RABGEF1: variants seen among roughly 807,000 people sequenced by gnomAD.
RABGEF1 encodes RAB guanine nucleotide exchange factor 1.
In RABGEF1, 26 loss-of-function variants were observed where a neutral mutation model predicts 57.3. That is an observed-to-expected ratio of 0.45 (90% CI 0.33 to 0.63). The LOEUF is 0.63. Among genes scored for constraint, RABGEF1 ranks in the 20% least tolerant of loss-of-function variants. RABGEF1 has a pLI of 0.02. For synonymous variants in RABGEF1, 185 were observed against 210.7 expected, an observed-to-expected ratio of 0.88 and a Z score of 1.06; for missense variants, 464 against 607.6, an observed-to-expected ratio of 0.76 and a Z score of 2.48.
In RABGEF1 at chr7:66,799,359, C is replaced by G; in HGVS notation, c.765C>G (p.Val255=). 1 of 1,612,520 alleles carries G rather than the reference C, an allele frequency of 6.2e-7. No individual in the cohort carries two copies. Among genetic ancestry groups the G allele is most frequent in the Non-Finnish European group, 8.5e-7 (1 of 1,178,564 alleles). ...LRWVTPQMLC[V]PVNEDIPEVS... ...GGGTTACGCCTCAGATGCTGTGTGT[C>G]CCTGTTAATGAAGACATCCCAGAAG... The change falls in exon 7 of 9, where the codon GTC becomes GTG. Residue 255 remains valine (V), a synonymous_variant. Coordinates refer to ENST00000284957, the MANE Select transcript of RABGEF1 (RefSeq NM_014504.3).
At chr7:66,696,943 TGG>T (rs1223759645) in intron 1 of RABGEF1, among the ~76,000 whole-genome samples, 13 of 152,086 alleles carry the variant, frequency 8.5e-5, no homozygotes, top group Admixed American at 7.9e-4. Flanking sequence ...CAGCTGGCCA[TGG>T]GGGATGGGGA....
At chr7:66,769,438 G>C (rs1248318347) in intron 1 of RABGEF1, among the ~76,000 whole-genome samples, 3 of 152,212 alleles carry the variant, frequency 2.0e-5, no homozygotes, top group African/African-American at 2.4e-5. Context: ...CAAAGATTGA[G>C]ATTGCGCTCA....
At chr7:66,710,956 A>C (rs1332119003) in intron 1 of RABGEF1, among the ~76,000 whole-genome samples, 1 of 151,922 alleles carries the variant, frequency 6.6e-6, no homozygotes, top group Non-Finnish European at 1.5e-5. Flanking sequence ...CAGCCTGGGC[A>C]ACATAGCGAG....
chr7:66,773,140 T>C (rs1807623053), intron 2 of RABGEF1, among the ~76,000 whole-genome samples: 1 of 151,880 alleles, frequency 6.6e-6, no homozygotes, highest in South Asian at 2.1e-4. Flanking sequence ...TTGCTGTCAT[T>C]TGTAGTGAAC....
chr7:66,657,400 A>C, the RABGEF1 span, among the ~76,000 whole-genome samples: 1 of 152,264 alleles, frequency 6.6e-6, no homozygotes, highest in Non-Finnish European at 1.5e-5. Flanking sequence ...CTGGTTGGAG[A>C]TGAAATCATA....
intron 1 of RABGEF1, among the ~76,000 whole-genome samples, chr7:66,691,077 C>T (rs1303894120): frequency 1.3e-5 from 2 of 152,002 alleles, no homozygotes; most frequent in Admixed American, 6.6e-5. Flanking sequence ...GACGACAAAG[C>T]GAGCCTCCAT....
intron 1 of RABGEF1, among the ~76,000 whole-genome samples, chr7:66,686,275 T>G (rs1473714750): frequency 1.4e-5 from 2 of 147,784 alleles, no homozygotes; most frequent in African/African-American, 5.0e-5. Flanking sequence ...AGTGAGACTC[T>G]GTCTCAAAAA....
chr7:66,720,191 A>ATTTTTTTTTTTTTTTTTTT (rs1491058503), intron 2 of RABGEF1, among the ~76,000 whole-genome samples: 1 of 79,840 alleles, frequency 1.3e-5, no homozygotes, highest in African/African-American at 4.2e-5. Flanking sequence ...TATTATTATT[A>ATTTTTTTTTTTTTTTTTTT]TTATTTTTTT....
chr7:66,703,206 C>G (rs983826795), intron 1 of RABGEF1, among the ~76,000 whole-genome samples: 1 of 152,146 alleles, frequency 6.6e-6, no homozygotes, highest in African/African-American at 2.4e-5. Context: ...ATCTCCTGAC[C>G]TCGTGCCCGC....
Position 66,691,009 on chromosome 7 carries a change from G to A in RABGEF1, c.-873+8751G>A, listed in dbSNP as rs373916017. On this transcript the variant is annotated intron_variant and NMD_transcript_variant, in intron 1 of 9. Coordinates refer to the RABGEF1 transcript ENST00000607882. ...CGGAGGCTGGGGCATGAGAATCGCC[G>A]GAACCGGGGAGGCAGGGGTTGCAGT... Among the ~76,000 whole-genome samples the A allele has an allele frequency of 1.4e-4, 21 of 152,120 alleles. No homozygotes were observed. The East Asian group carries it at 1.7e-3, about 13-fold the overall frequency.
At chr7:66,703,010 G>A (rs891134400) in intron 1 of RABGEF1, among the ~76,000 whole-genome samples, 2 of 152,100 alleles carry the variant, frequency 1.3e-5, no homozygotes, top group Admixed American at 6.6e-5. Context: ...TCGCTCTGTC[G>A]CCGCCCAGGC....
At chr7:66,712,567 C>CAG (rs1336102511) in intron 2 of RABGEF1, among the ~76,000 whole-genome samples, 1 of 150,066 alleles carries the variant, frequency 6.7e-6, no homozygotes, top group Non-Finnish European at 1.5e-5. Context: ...ACCTCCCGGG[C>CAG]TGAAGGGATC....
At chr7:66,698,300 G>GAGCTCT (rs1206801693) in intron 1 of RABGEF1, among the ~76,000 whole-genome samples, 1 of 152,208 alleles carries the variant, frequency 6.6e-6, no homozygotes, top group East Asian at 1.9e-4. Context: ...TTCCCAGCCA[G>GAGCTCT]AGCTCTACCT....
At chr7:66,798,851 G>A (rs1232247281) in intron 6 of RABGEF1, among the ~76,000 whole-genome samples, 2 of 152,132 alleles carry the variant, frequency 1.3e-5, no homozygotes, top group African/African-American at 4.8e-5. Context: ...AGTCCCGGCT[G>A]CTTGGGAGCC....
At chr7:66,782,701 G>A (rs1211164386) in intron 3 of RABGEF1, among the ~76,000 whole-genome samples, 6 of 151,782 alleles carry the variant, frequency 4.0e-5, no homozygotes, top group Non-Finnish European at 8.8e-5. Flanking sequence ...TAGGAGAATC[G>A]CTTGAACCTG....
At chr7:66,807,378 C>T (rs988318507) in intron 8 of RABGEF1, among the ~76,000 whole-genome samples, 1 of 152,216 alleles carries the variant, frequency 6.6e-6, no homozygotes, top group African/African-American at 2.4e-5. Context: ...CTTTGTTCTG[C>T]AACTTCTGTT....
intron 4 of RABGEF1, among the ~76,000 whole-genome samples, chr7:66,793,757 C>T (rs982510681): frequency 6.7e-6 from 1 of 149,658 alleles, no homozygotes; most frequent in African/African-American, 2.4e-5. Context: ...AGTGCTTGGC[C>T]ATTTTTACTG....
chr7:66,795,926 G>C (rs1813920811), intron 5 of RABGEF1, among the ~76,000 whole-genome samples: 1 of 152,150 alleles, frequency 6.6e-6, no homozygotes, highest in South Asian at 2.1e-4. Context: ...ATCACGTTAG[G>C]CCAGGAGTTC....
At chr7:66,708,735 C>T (rs1162425848) in intron 1 of RABGEF1, among the ~76,000 whole-genome samples, 1 of 151,960 alleles carries the variant, frequency 6.6e-6, no homozygotes, top group Non-Finnish European at 1.5e-5. Context: ...TCTCCTGGGC[C>T]CAGGAGGTTG....
Sources: gnomAD v4.1 joint callset for allele counts (sites outside exome capture counted in the v4.1 genomes callset) on GRCh38, gnomAD v4.1.1 for gene constraint, MANE v1.5 for transcripts, NCBI Gene and HGNC (gene_info 2026-07-23, HGNC 2026-07-21) for gene names.